The following LZTFL1 variants were observed in gnomAD, a reference collection of about 807,000 sequenced individuals.
The protein encoded by LZTFL1 is leucine zipper transcription factor-like protein 1.
LZTFL1 carries 25 observed loss-of-function variants against 45.9 expected under a neutral mutation model. The ratio of observed to expected loss-of-function variants is 0.54; its 90% CI spans 0.40 to 0.76. The LOEUF is 0.76. Among genes scored for constraint, LZTFL1 ranks in the 30% least tolerant of loss-of-function variants. LZTFL1 has a pLI of 0.00. For synonymous variants in LZTFL1, 93 were observed against 117.4 expected (o/e 0.79, Z 1.35); for missense variants, 277 against 331.1 (o/e 0.84, Z 1.27).
At chr3:45,893,132 A>C (rs1575297127) in intron 2 of LZTFL1, among the ~76,000 whole-genome samples, 4 of 143,042 alleles carry the variant, frequency 2.8e-5, no homozygotes, top group Non-Finnish European at 4.6e-5. Context: ...GCCCTCCCAC[A>C]CTCCCCTTCC....
At chr3:45,832,267 T>A (rs566702447) in intron 5 of LZTFL1, among the ~76,000 whole-genome samples, 1 of 152,136 alleles carries the variant, frequency 6.6e-6, no homozygotes, top group Non-Finnish European at 1.5e-5. Context: ...AACTATTACA[T>A]TTTTGAGGGC....
intron 8 of LZTFL1, among the ~76,000 whole-genome samples, chr3:45,828,094 C>T (rs1160062515): frequency 6.6e-6 from 1 of 151,938 alleles, no homozygotes; most frequent in African/African-American, 2.4e-5. Context: ...GTATAGAAGT[C>T]CTTAAAAAAA....
chr3:45,890,175 G>A (rs1575293391), intron 2 of LZTFL1, among the ~76,000 whole-genome samples: 1 of 143,928 alleles, frequency 6.9e-6, no homozygotes, highest in South Asian at 2.1e-4. Flanking sequence ...CTTTCTTTGG[G>A]AATTTTTCTC....
At chr3:45,903,324 A>G (rs1284552264) in intron 2 of LZTFL1, 4 of 154,424 alleles carry the variant, frequency 2.6e-5, no homozygotes, top group Admixed American at 1.3e-4. Flanking sequence ...AGTAAGCAAT[A>G]GGGATAAGGA....
upstream of LZTFL1, among the ~76,000 whole-genome samples, chr3:45,842,855 A>ACAGATCAGG (rs1701154859): frequency 6.6e-6 from 1 of 152,204 alleles, no homozygotes; most frequent in Admixed American, 6.5e-5. Context: ...AGGAGTGATC[A>ACAGATCAGG]CAGATCAGGA....
intron 2 of LZTFL1, among the ~76,000 whole-genome samples, chr3:45,863,717 C>A (rs891620481): frequency 3.9e-5 from 6 of 152,108 alleles, no homozygotes; most frequent in Non-Finnish European, 7.4e-5. Flanking sequence ...CACTGGCAAG[C>A]AATGTAGGGG....
At position 45,832,178 on chromosome 3, in the gene LZTFL1, G is replaced by A. The variant is rs182701174; in HGVS notation, c.456+872C>T. Among the ~76,000 whole-genome samples, 130 of 152,050 alleles carry A rather than the reference G, an allele frequency of 8.5e-4. No homozygotes were observed. In the East Asian group the frequency reaches 0.02, roughly 23 times the overall value. On this transcript the variant is annotated intron_variant, in intron 5 of 9. Transcript: ENST00000296135. The stretch of plus-strand genomic sequence containing the variant: ...GGAGCTTGGAGTGAGCCTAGATCAC[G>A]CCACCGCACTCCAGCCTGGGCGACA...
chr3:45,877,295 G>A (rs983508351), intron 2 of LZTFL1, among the ~76,000 whole-genome samples: 1 of 146,880 alleles, frequency 6.8e-6, no homozygotes, highest in Non-Finnish European at 1.5e-5. Flanking sequence ...GTGCAATGGT[G>A]CCAGCTTGGC....
At chr3:45,859,048 A>G (rs1485032723) in intron 2 of LZTFL1, 6 of 152,266 alleles carry the variant, frequency 3.9e-5, no homozygotes, top group Non-Finnish European at 7.3e-5. Context: ...GTAAAAGTAA[A>G]AATGACTGAC....
At chr3:45,832,245 A>AT (rs1263836923) in intron 5 of LZTFL1, among the ~76,000 whole-genome samples, 1 of 152,076 alleles carries the variant, frequency 6.6e-6, no homozygotes, top group Non-Finnish European at 1.5e-5. Flanking sequence ...ACAAACAACA[A>AT]TAAAAAACCC....
chr3:45,847,215 TG>T (rs1313366643), intron 4 of LZTFL1, among the ~76,000 whole-genome samples: 27 of 152,358 alleles, frequency 1.8e-4, no homozygotes, highest in African/African-American at 6.3e-4. Flanking sequence ...ATCTCTTTCA[TG>T]GTTTCCTTGT....
intron 2 of LZTFL1, among the ~76,000 whole-genome samples, chr3:45,912,526 C>G (rs568619929): frequency 6.6e-6 from 1 of 152,340 alleles, no homozygotes; most frequent in East Asian, 1.9e-4. Flanking sequence ...TTTACTCACT[C>G]TCTTGGAAAC....
chr3:45,874,627 T>C (rs762311491), intron 2 of LZTFL1, among the ~76,000 whole-genome samples: 17 of 152,336 alleles, frequency 1.1e-4, no homozygotes, highest in Admixed American at 2.6e-4. Flanking sequence ...ATTAATTTCA[T>C]TGATGTCTCC....
At chr3:45,892,011 A>G (rs1702193577) in intron 2 of LZTFL1, among the ~76,000 whole-genome samples, 1 of 152,128 alleles carries the variant, frequency 6.6e-6, no homozygotes, top group Non-Finnish European at 1.5e-5. Context: ...CTGGTCTTCA[A>G]ATCCAACACC....
chr3:45,827,737 T>TA (rs1339011958), intron 8 of LZTFL1, among the ~76,000 whole-genome samples: 2 of 152,222 alleles, frequency 1.3e-5, no homozygotes, highest in African/African-American at 4.8e-5. Context: ...TTTGAAATAT[T>TA]AAACTAATTT....
intron 4 of LZTFL1, among the ~76,000 whole-genome samples, chr3:45,852,088 G>T (rs1295850997): frequency 6.6e-6 from 1 of 152,046 alleles, no homozygotes; most frequent in African/African-American, 2.4e-5. Flanking sequence ...TTCTAGAAGG[G>T]AAGTTCCCTT....
chr3:45,825,527 A>G lies in LZTFL1; in HGVS notation c.*787T>C, dbSNP rs1020727804. The G allele has an allele frequency of 6.6e-6, 1 of 152,228 alleles. No individual in the cohort carries two copies. The highest frequency in any genetic ancestry group is 2.4e-5 in the African/African-American group (1 of 41,466). The allele number at this position is 152,228 out of a possible 1,614,324, so 9.4% of individuals were successfully genotyped here. ...TAAAAAGTGTTCTTATTGAACATAA[A>G]ATGTAAAATAACATTCTGGAAACAA... On this transcript the variant is annotated 3_prime_UTR_variant, in exon 10 of 10. Coordinates refer to ENST00000296135, the MANE Select transcript of LZTFL1 (RefSeq NM_020347.4).
At chr3:45,888,166 C>G (rs878938075) in intron 2 of LZTFL1, among the ~76,000 whole-genome samples, 1 of 152,200 alleles carries the variant, frequency 6.6e-6, no homozygotes, top group Admixed American at 6.5e-5. Context: ...ATTAGCAGCT[C>G]TCTCCCTTCC....
At chr3:45,842,500 C>A (rs9823284), upstream of LZTFL1, among the ~76,000 whole-genome samples, 1 of 152,046 alleles carries the variant, frequency 6.6e-6, no homozygotes, top group Non-Finnish European at 1.5e-5. Context: ...TCAGGAGTTC[C>A]TACCTGAGCA....
Sources: gnomAD v4.1 joint callset for allele counts (sites outside exome capture counted in the v4.1 genomes callset) on GRCh38, gnomAD v4.1.1 for gene constraint, MANE v1.5 for transcripts, NCBI Gene and HGNC (gene_info 2026-07-23, HGNC 2026-07-21) for gene names.